TMEM161B: variants seen among roughly 807,000 people sequenced by gnomAD.
The protein encoded by TMEM161B is transmembrane protein 161B.
TMEM161B carries 34 observed loss-of-function variants against 61.8 expected under a neutral mutation model. The ratio of observed to expected loss-of-function variants is 0.55; its 90% CI spans 0.42 to 0.73. The LOEUF (loss-of-function observed/expected upper bound fraction) is 0.73. Ranked by LOEUF, TMEM161B falls within the 30% of genes least tolerant of loss-of-function variation. TMEM161B has a pLI of 0.00. For synonymous variants in TMEM161B, 167 were observed against 192.8 expected, an observed-to-expected ratio of 0.87 and a Z score of 1.11; for missense variants, 456 against 558.5, an observed-to-expected ratio of 0.82 and a Z score of 1.85.
At chr5:88,197,622 A>G (rs200450642) in intron 11 of TMEM161B, 47 bp downstream of exon 11, 3 of 1,438,182 alleles carry the variant, frequency 2.1e-6, no homozygotes, top group Middle Eastern at 1.8e-4. Context: ...TTTATTAATT[A>G]TAGGTAGAAA....
intron 2 of TMEM161B, among the ~76,000 whole-genome samples, chr5:88,238,869 AAAAAC>A (rs1256377989): frequency 6.6e-6 from 1 of 152,070 alleles, no homozygotes; most frequent in Non-Finnish European, 1.5e-5. Flanking sequence ...AGATAATCTT[AAAAAC>A]AAAACAAAAC....
chr5:88,190,303 G>C (rs1748668763), downstream of TMEM161B: 3 of 699,116 alleles, frequency 4.3e-6, no homozygotes, highest in African/African-American at 1.8e-5. Context: ...TTTGGCAAAG[G>C]CTGACAAATG....
At chr5:88,203,844 A>G (rs1744944005) in intron 8 of TMEM161B, among the ~76,000 whole-genome samples, 1 of 139,270 alleles carries the variant, frequency 7.2e-6, no homozygotes, top group African/African-American at 2.8e-5. Context: ...AAGGCAATAT[A>G]CCTAATACAG....
At chr5:88,225,035 T>C (rs1749782760) in intron 4 of TMEM161B, among the ~76,000 whole-genome samples, 1 of 146,830 alleles carries the variant, frequency 6.8e-6, no homozygotes, top group Admixed American at 7.0e-5. Flanking sequence ...TGGTGCGATC[T>C]CGGCTCACTG....
chr5:88,239,192 T>C (rs1752344052), intron 2 of TMEM161B, among the ~76,000 whole-genome samples: 3 of 151,982 alleles, frequency 2.0e-5, no homozygotes, highest in Admixed American at 2.0e-4. Flanking sequence ...TTTTCACTAG[T>C]GAGTATAAAT....
At chr5:88,233,281 G>T (rs1751323943) in intron 2 of TMEM161B, among the ~76,000 whole-genome samples, 2 of 152,202 alleles carry the variant, frequency 1.3e-5, no homozygotes, top group Admixed American at 1.3e-4. Flanking sequence ...GTGAAAATGT[G>T]AGAGACAGCC....
intron 2 of TMEM161B, among the ~76,000 whole-genome samples, chr5:88,231,384 G>A (rs960885991): frequency 6.6e-6 from 1 of 152,112 alleles, no homozygotes. Context: ...TGTGGGGTCT[G>A]TACTAACTCC....
chr5:88,267,680 G>T (rs1164422671), intron 1 of TMEM161B, among the ~76,000 whole-genome samples: 1 of 152,102 alleles, frequency 6.6e-6, no homozygotes, highest in Admixed American at 6.5e-5. Context: ...TGAGAAATTG[G>T]CTTACTGCAA....
At chr5:88,253,369 C>T (rs1412621972) in intron 1 of TMEM161B, among the ~76,000 whole-genome samples, 2 of 152,104 alleles carry the variant, frequency 1.3e-5, no homozygotes, top group Non-Finnish European at 2.9e-5. Flanking sequence ...GGGAACACTC[C>T]AATAGAGTGA....
At chr5:88,262,004 G>C (rs193252237) in intron 1 of TMEM161B, among the ~76,000 whole-genome samples, 1 of 151,994 alleles carries the variant, frequency 6.6e-6, no homozygotes, top group Non-Finnish European at 1.5e-5. Context: ...CAGACCAGGG[G>C]AAAATATCTG....
intron 4 of TMEM161B, among the ~76,000 whole-genome samples, chr5:88,224,976 T>TG (rs1561362671): frequency 2.1e-5 from 3 of 143,852 alleles, no homozygotes; most frequent in Non-Finnish European, 1.5e-5. Flanking sequence ...TTTTTTTTTT[T>TG]TTTTTTTTTG....
intron 1 of TMEM161B, among the ~76,000 whole-genome samples, chr5:88,248,224 C>T (rs1218354818): frequency 6.6e-6 from 1 of 152,106 alleles, no homozygotes; most frequent in Non-Finnish European, 1.5e-5. Context: ...TTTTCCAAGG[C>T]TGGTGGCCAG....
intron 1 of TMEM161B, 84 bp from the exon 2 acceptor site, chr5:88,241,000 A>G (rs984196597): frequency 1.1e-6 from 1 of 921,996 alleles, no homozygotes; most frequent in African/African-American, 1.7e-5. Context: ...ACATTTTGAA[A>G]ATTACATTTT....
chr5:88,216,062 A>G (rs1052503632), intron 5 of TMEM161B, among the ~76,000 whole-genome samples: 3 of 152,194 alleles, frequency 2.0e-5, no homozygotes, highest in Non-Finnish European at 4.4e-5. Flanking sequence ...GTTTAAGATT[A>G]GCCTGGACAG....
intron 2 of TMEM161B, among the ~76,000 whole-genome samples, chr5:88,239,908 A>G (rs1454635218): frequency 6.6e-6 from 1 of 152,000 alleles, no homozygotes; most frequent in Non-Finnish European, 1.5e-5. Flanking sequence ...TAACCAAAAG[A>G]AAGCAGTAAC....
chr5:88,263,019 T>C (rs1470669965), intron 1 of TMEM161B, among the ~76,000 whole-genome samples: 2 of 152,196 alleles, frequency 1.3e-5, no homozygotes, highest in Non-Finnish European at 2.9e-5. Flanking sequence ...TGTTTACTGT[T>C]TGGAAAGTTG....
At chr5:88,242,514 T>C (rs1202728964) in intron 1 of TMEM161B, among the ~76,000 whole-genome samples, 1 of 145,028 alleles carries the variant, frequency 6.9e-6, no homozygotes, top group Non-Finnish European at 1.5e-5. Flanking sequence ...AAAAACAGTA[T>C]GCCTATTGGT....
intron 1 of TMEM161B, among the ~76,000 whole-genome samples, chr5:88,254,069 G>A (rs569358741): frequency 3.9e-5 from 6 of 151,900 alleles, no homozygotes; most frequent in Non-Finnish European, 8.8e-5. Flanking sequence ...CCAACATTAG[G>A]GAGGTGCTGA....
intron 2 of TMEM161B, among the ~76,000 whole-genome samples, chr5:88,233,527 T>C (rs1296085812): frequency 6.6e-6 from 1 of 152,164 alleles, no homozygotes; most frequent in Non-Finnish European, 1.5e-5. Flanking sequence ...TAATAGGTCA[T>C]AGTATGGACT....
Sources: gnomAD v4.1 joint callset for allele counts (sites outside exome capture counted in the v4.1 genomes callset) on GRCh38, gnomAD v4.1.1 for gene constraint, MANE v1.5 for transcripts, NCBI Gene and HGNC (gene_info 2026-07-23, HGNC 2026-07-21) for gene names.